COL5A1: variants seen among roughly 807,000 people sequenced by gnomAD.
COL5A1 encodes the protein collagen type V alpha 1 chain, also known as collagen alpha-1(V) chain.
COL5A1 carries 16 observed loss-of-function variants against 263.7 expected under a neutral mutation model. The ratio of observed to expected loss-of-function variants is 0.06; its 90% CI spans 0.04 to 0.09. The LOEUF (loss-of-function observed/expected upper bound fraction) is 0.09. Among genes scored for constraint, COL5A1 ranks in the 10% least tolerant of loss-of-function variants. COL5A1 has a pLI of 1.00. For missense variants in COL5A1, 2,036 were observed against 2,540.5 expected, an observed-to-expected ratio of 0.80 and a Z score of 4.27; for synonymous variants, 1,012 against 1,004.5, an observed-to-expected ratio of 1.01 and a Z score of -0.14.
chr9:134,702,124 T>C (rs1328076794), intron 4 of COL5A1, among the ~76,000 whole-genome samples: 1 of 152,190 alleles, frequency 6.6e-6, no homozygotes, highest in Non-Finnish European at 1.5e-5. Context: ...GACTCTGCCC[T>C]TCCCAAGGGC....
At chr9:134,793,212 C>T (rs28577990) in intron 32 of COL5A1, among the ~76,000 whole-genome samples, 59,463 of 151,532 alleles carry the variant, frequency 0.39, 11,961 homozygotes, top group East Asian at 0.65. Context: ...TGCACCTGCC[C>T]GAAAGTGGAA....
intron 2 of COL5A1, among the ~76,000 whole-genome samples, chr9:134,698,579 T>G (rs1333323744): frequency 6.6e-6 from 1 of 152,228 alleles, no homozygotes; most frequent in Non-Finnish European, 1.5e-5. Context: ...CTCAGGATGC[T>G]GTGGGACGAG....
At chr9:134,782,541 G>C (rs763935679) in intron 28 of COL5A1, 126 bp from the exon 29 acceptor site, 2 of 890,368 alleles carry the variant, frequency 2.2e-6, no homozygotes, top group South Asian at 2.6e-5. Flanking sequence ...ACCCCGTCCG[G>C]GCCATGTGCT....
Position 134,752,406 on chromosome 9 carries a change from G to T in COL5A1, c.1663-183G>T, listed in dbSNP as rs527930959. The stretch of plus-strand genomic sequence containing the variant: ...CACGTCACTCCCGTGGATGCTGAGA[G>T]CCCCATCGAAGTCGGGGGGGGGGGG... On this transcript the variant is annotated intron_variant, in intron 13 of 65. Coordinates refer to ENST00000371817, the MANE Select transcript of COL5A1 (RefSeq NM_000093.5). Among the ~76,000 whole-genome samples the T allele has an allele frequency of 2.8e-5, 3 of 109,014 alleles. No individual in the cohort carries two copies. The East Asian group carries it at 8.7e-4, about 31-fold the overall frequency. The allele number at this position is 109,014 out of a possible 152,430, so 71.5% of individuals were successfully genotyped here.
intron 4 of COL5A1, chr9:134,708,423 G>GA (rs1564401710): frequency 2.6e-5 from 10 of 379,528 alleles, no homozygotes; most frequent in East Asian, 1.9e-4. Flanking sequence ...AACTCCCGGG[G>GA]TGGGGGCTCT....
At chr9:134,747,525 G>A (rs1001072062) in intron 11 of COL5A1, among the ~76,000 whole-genome samples, 10 of 95,336 alleles carry the variant, frequency 1.0e-4, no homozygotes, top group African/African-American at 6.3e-5. Context: ...TCATATGGAC[G>A]TTCACACATC....
intron 25 of COL5A1, among the ~76,000 whole-genome samples, chr9:134,771,399 G>T (rs868015870): frequency 1.1e-4 from 16 of 152,234 alleles, no homozygotes; most frequent in Non-Finnish European, 2.2e-4. Context: ...GGAAGGCGGC[G>T]TGGTGGCCAA....
intron 30 of COL5A1, 47 bp from the exon 31 acceptor site, chr9:134,785,948 T>C: frequency 6.5e-7 from 1 of 1,545,536 alleles, no homozygotes; most frequent in South Asian, 1.1e-5. Context: ...GGGAAACGGA[T>C]GGAGCAATAC....
At chr9:134,796,638 T>G (rs146158570) in intron 35 of COL5A1, among the ~76,000 whole-genome samples, 74 of 151,674 alleles carry the variant, frequency 4.9e-4, no homozygotes, top group African/African-American at 1.6e-3. Context: ...GGTTTGGGAG[T>G]GGCCGAGATG....
chr9:134,727,538 T>G (rs539336173), intron 5 of COL5A1, 141 bp downstream of exon 5: 2 of 900,596 alleles, frequency 2.2e-6, no homozygotes, highest in African/African-American at 3.3e-5. Context: ...AGGTAAACAT[T>G]GGGATATCTG....
intron 41 of COL5A1, 90 bp downstream of exon 41, chr9:134,805,304 G>A: frequency 1.4e-6 from 2 of 1,460,538 alleles, no homozygotes; most frequent in Non-Finnish European, 1.9e-6. Flanking sequence ...GCATGCAGCT[G>A]CCCCAGACCC....
intron 9 of COL5A1, among the ~76,000 whole-genome samples, chr9:134,735,461 G>A (rs186082664): frequency 3.9e-5 from 6 of 151,958 alleles, no homozygotes; most frequent in African/African-American, 7.2e-5. Context: ...TGAGAGTGGC[G>A]TCCGTGGTTG....
intron 65 of COL5A1, among the ~76,000 whole-genome samples, chr9:134,838,870 C>T (rs1252113683): frequency 6.6e-6 from 1 of 152,214 alleles, no homozygotes; most frequent in Non-Finnish European, 1.5e-5. Context: ...TGGGCAGTGG[C>T]AGCAGCGTGG....
At chr9:134,724,567 C>T (rs34321115) in intron 4 of COL5A1, among the ~76,000 whole-genome samples, 2 of 152,232 alleles carry the variant, frequency 1.3e-5, no homozygotes, top group Non-Finnish European at 2.9e-5. Context: ...GCCAGACCCT[C>T]GCACCAAAAG....
In COL5A1 at chr9:134,841,613, C is replaced by A. The variant is rs1226245414; in HGVS notation, c.5371-544C>A. On this transcript the variant is annotated intron_variant, in intron 65 of 65. Transcript: ENST00000371817. The surrounding 1 kb of genome is among the most constrained non-coding windows in gnomAD (Gnocchi z 4.8). ...CTTCCCATACTTGTGGAGGTGAAGA[C>A]CCAGCCCACCGAGTGCCTAAGGCAG... Among the ~76,000 whole-genome samples the A allele has an allele frequency of 6.6e-6, 1 of 152,182 alleles. No individual in the cohort carries two copies. Among genetic ancestry groups the A allele is most frequent in the East Asian group, 1.9e-4 (1 of 5,196 alleles).
intron 13 of COL5A1, among the ~76,000 whole-genome samples, chr9:134,751,104 A>G (rs1320788417): frequency 1.3e-5 from 2 of 148,150 alleles, no homozygotes; most frequent in African/African-American, 2.5e-5. Flanking sequence ...CTCTGAGAGC[A>G]TGTCAGTGTC....
rs201565589 is a variant in COL5A1 at position 134,730,514 on chromosome 9, T to C, written c.1164+39T>C. The C allele has an allele frequency of 3.1e-6, 5 of 1,612,776 alleles. No homozygotes were observed. The East Asian group carries it at 1.1e-4, about 36-fold the overall frequency. On this transcript the variant is annotated intron_variant, in intron 7 of 65. Transcript: ENST00000371817. ...TTCCCATTGGTTTGGTCTGGGGCAGTGGGCCAAGGGCCAGGGCTGGGGCCA... is the reference window on the plus strand; with the variant it reads ...TTCCCATTGGTTTGGTCTGGGGCAGCGGGCCAAGGGCCAGGGCTGGGGCCA...
intron 6 of COL5A1, among the ~76,000 whole-genome samples, chr9:134,729,869 C>T (rs1349336629): frequency 1.3e-5 from 2 of 152,160 alleles, no homozygotes; most frequent in African/African-American, 2.4e-5. Flanking sequence ...TGTATCCTTC[C>T]AGGGAAAGGT....
intron 4 of COL5A1, among the ~76,000 whole-genome samples, chr9:134,703,191 G>A (rs952207490): frequency 6.6e-6 from 1 of 152,208 alleles, no homozygotes; most frequent in East Asian, 1.9e-4. Flanking sequence ...CTTCGGTAGA[G>A]CAGGGCGGGT....
Sources: allele counts gnomAD v4.1 joint callset (sites outside exome capture counted in the v4.1 genomes callset), GRCh38; gene constraint gnomAD v4.1.1; non-coding constraint Gnocchi (gnomAD v3.1); transcripts MANE v1.5; gene names NCBI Gene and HGNC (gene_info 2026-07-23, HGNC 2026-07-21).